The following ARHGAP44 variants were observed in gnomAD, a reference collection of about 807,000 sequenced individuals.
ARHGAP44 encodes the protein rho GTPase-activating protein 44.
ARHGAP44 carries 43 observed loss-of-function variants against 106.8 expected under a neutral mutation model. That is an observed-to-expected ratio of 0.40 (90% CI 0.32 to 0.52). The LOEUF (loss-of-function observed/expected upper bound fraction) is 0.52. ARHGAP44 is among the 20% of genes least tolerant of loss of function. The pLI, the probability that ARHGAP44 is intolerant of heterozygous loss-of-function variation, is 0.48. For missense variants in ARHGAP44, 866 were observed against 1,050.5 expected (o/e 0.82, Z 2.43); for synonymous variants, 439 against 410.3 (o/e 1.07, Z -0.85).
chr17:12,868,088 G>A (rs138921550), intron 1 of ARHGAP44, among the ~76,000 whole-genome samples: 18 of 152,312 alleles, frequency 1.2e-4, no homozygotes, highest in Admixed American at 9.1e-4. Context: ...GACTGAGAGC[G>A]TTGTGCTACA....
At chr17:12,956,514 G>A in intron 14 of ARHGAP44, 141 bp from the exon 15 acceptor site, 2 of 657,204 alleles carry the variant, frequency 3.0e-6, no homozygotes, top group Non-Finnish European at 2.7e-6. Context: ...TCCCTCCCAA[G>A]AGAAAGTCTG....
chr17:12,932,881 A>G (rs1222549549), intron 7 of ARHGAP44, among the ~76,000 whole-genome samples: 1 of 152,156 alleles, frequency 6.6e-6, no homozygotes, highest in Non-Finnish European at 1.5e-5. Context: ...TTTCTATTCT[A>G]ATGATTTCAT....
intron 1 of ARHGAP44, among the ~76,000 whole-genome samples, chr17:12,829,576 C>T (rs1286447714): frequency 6.6e-6 from 1 of 152,120 alleles, no homozygotes; most frequent in African/African-American, 2.4e-5. Context: ...CTTGGAAGTT[C>T]TATTTGTTAG....
intron 1 of ARHGAP44, among the ~76,000 whole-genome samples, chr17:12,797,137 A>C (rs2150756434): frequency 6.6e-6 from 1 of 152,250 alleles, no homozygotes; most frequent in South Asian, 2.1e-4. Context: ...CCGTGTATAA[A>C]TTTAACATTT....
chr17:12,963,011 A>C (rs2039300050), intron 16 of ARHGAP44, among the ~76,000 whole-genome samples: 1 of 136,254 alleles, frequency 7.3e-6, no homozygotes. Context: ...GTGCCATTGC[A>C]CTCCAGCCTG....
At position 12,984,580 on chromosome 17, in the gene ARHGAP44, G is replaced by T. The variant is rs576435385; in HGVS notation, c.1989G>T (p.Pro663=). The change falls in exon 20 of 21, where the codon CCG becomes CCT. Residue 663 remains proline, a synonymous_variant. Transcript: ENST00000379672. ...PIPPKVPFGQ[P]GAMADQSAGQ... ...CACCCAAGGTCCCCTTTGGCCAGCC[G>T]GGGGCTATGGCAGACCAGTCCGCTG... The T allele has an allele frequency of 2.0e-4, 322 of 1,576,856 alleles. No homozygotes were observed. The highest frequency in any genetic ancestry group is 1.6e-3 in the Middle Eastern group (9 of 5,780).
intron 7 of ARHGAP44, among the ~76,000 whole-genome samples, chr17:12,937,498 G>A (rs200666552): frequency 7.2e-5 from 11 of 152,124 alleles, no homozygotes; most frequent in African/African-American, 2.2e-4. Flanking sequence ...ACTGATTTCC[G>A]CAGAGGTTTC....
chr17:12,846,328 C>G (rs1227520326), intron 1 of ARHGAP44, among the ~76,000 whole-genome samples: 1 of 152,172 alleles, frequency 6.6e-6, no homozygotes, highest in African/African-American at 2.4e-5. Context: ...TCCCAGGCCC[C>G]CTGTGCCATA....
chr17:12,861,909 A>C (rs1310931563), intron 1 of ARHGAP44, among the ~76,000 whole-genome samples: 1 of 152,048 alleles, frequency 6.6e-6, no homozygotes, highest in Non-Finnish European at 1.5e-5. Context: ...TGCTGGGATT[A>C]CAGTAGTAAG....
Position 12,952,527 on chromosome 17 carries a change from A to G in ARHGAP44, c.1082A>G (p.Gln361Arg), listed in dbSNP as rs923017614. The G allele has an allele frequency of 6.3e-7, 1 of 1,581,778 alleles. No homozygotes were observed. ...SNVQEQDKKL[Q>R]ALWNACEKLP... ...GTCCAGGAGCAAGACAAGAAGCTTCAGGCTCTATGGAATGCTTGTGAAAAG... is the reference window on the plus strand; with the variant it reads ...GTCCAGGAGCAAGACAAGAAGCTTCGGGCTCTATGGAATGCTTGTGAAAAG... The change falls in exon 13 of 21, where the codon CAG becomes CGG. Residue 361 changes from glutamine (Q) to arginine (R), a missense_variant. By Grantham distance (43) the Gln-to-Arg change is conservative. Transcript: ENST00000379672.
intron 1 of ARHGAP44, among the ~76,000 whole-genome samples, chr17:12,825,718 C>CAGTGAG (rs1218931056): frequency 6.6e-6 from 1 of 152,116 alleles, no homozygotes; most frequent in African/African-American, 2.4e-5. Flanking sequence ...AAATAATTCA[C>CAGTGAG]AGTGAGATCT....
intron 1 of ARHGAP44, among the ~76,000 whole-genome samples, chr17:12,824,779 G>A (rs1275939444): frequency 2.0e-5 from 3 of 151,650 alleles, no homozygotes; most frequent in South Asian, 4.2e-4. Flanking sequence ...GCCTCCCCTC[G>A]TACGTCCTTC....
intron 5 of ARHGAP44, among the ~76,000 whole-genome samples, chr17:12,916,474 C>T (rs1226306374): frequency 6.6e-6 from 1 of 152,122 alleles, no homozygotes; most frequent in East Asian, 1.9e-4. Context: ...ACCTCCGCCT[C>T]CCAGGTTCAA....
At chr17:12,932,585 T>A (rs1451122252) in intron 7 of ARHGAP44, among the ~76,000 whole-genome samples, 2 of 152,338 alleles carry the variant, frequency 1.3e-5, no homozygotes, top group Non-Finnish European at 2.9e-5. Context: ...ACACAAAAGT[T>A]AAATGATTTT....
At chr17:12,989,682 G>A (rs2040063295) in intron 20 of ARHGAP44, among the ~76,000 whole-genome samples, 1 of 152,146 alleles carries the variant, frequency 6.6e-6, no homozygotes, top group South Asian at 2.1e-4. Context: ...ATGAAATGCA[G>A]TCGTCTGATA....
intron 13 of ARHGAP44, among the ~76,000 whole-genome samples, chr17:12,954,257 G>A (rs12451713): frequency 0.29 from 43,698 of 152,026 alleles, 6,660 homozygotes; most frequent in East Asian, 0.53. Context: ...TTCAGGAAAC[G>A]GATGGTGGTG....
chr17:12,870,526 G>C (rs9897705), intron 1 of ARHGAP44, among the ~76,000 whole-genome samples: 1,754 of 152,230 alleles, frequency 0.012, 37 homozygotes, highest in African/African-American at 0.04. Context: ...GAAATAATAG[G>C]TGGATGTGGT....
At chr17:12,811,312 CAA>C (rs368637195) in intron 1 of ARHGAP44, among the ~76,000 whole-genome samples, 6 of 98,654 alleles carry the variant, frequency 6.1e-5, no homozygotes, top group Non-Finnish European at 4.5e-5. Flanking sequence ...GACTCCTTCT[CAA>C]AAAAAAAAAA....
intron 6 of ARHGAP44, among the ~76,000 whole-genome samples, chr17:12,924,259 A>G (rs1412065193): frequency 6.6e-6 from 1 of 152,222 alleles, no homozygotes; most frequent in African/African-American, 2.4e-5. Flanking sequence ...GTTTGTCACT[A>G]TTGAAGTAAA....
Sources: gnomAD v4.1 joint callset for allele counts (sites outside exome capture counted in the v4.1 genomes callset) on GRCh38, gnomAD v4.1.1 for gene constraint, MANE v1.5 for transcripts, NCBI Gene and HGNC (gene_info 2026-07-23, HGNC 2026-07-21) for gene names.